PCDH7: variants seen among roughly 807,000 people sequenced by gnomAD.
PCDH7 encodes protocadherin 7.
PCDH7 carries 17 observed loss-of-function variants against 58.9 expected under a neutral mutation model. The ratio of observed to expected loss-of-function variants is 0.29; its 90% confidence interval spans 0.20 to 0.43. PCDH7 has a LOEUF of 0.43. Among genes scored for constraint, PCDH7 ranks in the 20% least tolerant of loss-of-function variants. The probability of loss-of-function intolerance (pLI) is 1.00; values close to 1 mark genes in which losing one functional copy is unlikely to be tolerated. For synonymous variants in PCDH7, 664 were observed against 616.4 expected, an observed-to-expected ratio of 1.08 and a Z score of -1.14; for missense variants, 1,274 against 1,441.0, an observed-to-expected ratio of 0.88 and a Z score of 1.88.
chr4:31,003,133 T>G (rs1242502574), intron 3 of PCDH7, among the ~76,000 whole-genome samples: 1 of 152,192 alleles, frequency 6.6e-6, no homozygotes, highest in African/African-American at 2.4e-5. Flanking sequence ...TTACCATGCT[T>G]ATTTTTTTAA....
chr4:30,879,696 T>G (rs1348664433), intron 1 of PCDH7, among the ~76,000 whole-genome samples: 2 of 152,180 alleles, frequency 1.3e-5, no homozygotes, highest in African/African-American at 4.8e-5. Flanking sequence ...ATATCATGCT[T>G]AATTTTACAT....
Position 30,958,096 on chromosome 4 carries a change from A to C in PCDH7, c.*7+7881A>C, listed in dbSNP as rs200139071. On this transcript the variant is annotated intron_variant, in intron 3 of 3. Coordinates refer to the PCDH7 transcript ENST00000509759. ...GAAAAGATAGATCAAAACTAGGCAG[A>C]ACAAACTATATATACATGGAAAGAA... 3.9e-5 allele frequency among the ~76,000 whole-genome samples: 6 copies of C among 151,988 alleles called. No homozygotes were observed. In the East Asian group the frequency reaches 1.2e-3, roughly 29 times the overall value.
intron 3 of PCDH7, among the ~76,000 whole-genome samples, chr4:31,020,927 T>C (rs1301354423): frequency 6.6e-6 from 1 of 152,190 alleles, no homozygotes; most frequent in African/African-American, 2.4e-5. Flanking sequence ...TTTTTTCTCC[T>C]CCTCCGTTTT....
rs146357228 is a variant in PCDH7 at position 30,791,205 on chromosome 4, G to A, written c.70+66609G>A. Among the ~76,000 whole-genome samples, 1,013 of 152,168 alleles carry A rather than the reference G, an allele frequency of 6.7e-3. 10 individuals are homozygous for A. The highest frequency in any genetic ancestry group is 0.01 in the Middle Eastern group (3 of 294). ...CATGCAGGCTAGTTGTTACAATGTC[G>A]TGTGCTAAATGGCAGAATATCATAG... On this transcript the variant is annotated intron_variant, in intron 1 of 3. Coordinates refer to the PCDH7 transcript ENST00000509759.
intron 1 of PCDH7, among the ~76,000 whole-genome samples, chr4:30,892,488 T>C (rs1738751960): frequency 6.6e-6 from 1 of 152,032 alleles, no homozygotes; most frequent in Non-Finnish European, 1.5e-5. Context: ...CTTATTGGAA[T>C]ATTTCATGGT....
Position 30,875,895 on chromosome 4 carries a change from C to T in PCDH7, c.71-44258C>T, listed in dbSNP as rs1049662505. On this transcript the variant is annotated intron_variant, in intron 1 of 3. Transcript: ENST00000509759. ...TATTAATTTCAACAGGATCTGTGAA[C>T]GTTTTCTTCTGTCATGTGAGATAGA... Among the ~76,000 whole-genome samples, 8 of 152,052 alleles carry T rather than the reference C, an allele frequency of 5.3e-5. No homozygotes were observed. The East Asian group carries it at 5.8e-4, about 11-fold the overall frequency.
intron 3 of PCDH7, among the ~76,000 whole-genome samples, chr4:31,105,421 A>G (rs1715429413): frequency 6.6e-6 from 1 of 152,166 alleles, no homozygotes; most frequent in Non-Finnish European, 1.5e-5. Flanking sequence ...AGTACCTTCT[A>G]GAAACCACAT....
At chr4:30,780,024 G>A (rs1722581219) in intron 1 of PCDH7, among the ~76,000 whole-genome samples, 1 of 152,062 alleles carries the variant, frequency 6.6e-6, no homozygotes, top group Non-Finnish European at 1.5e-5. Flanking sequence ...GTTTAAGTTT[G>A]TATCATTTTA....
intron 3 of PCDH7, among the ~76,000 whole-genome samples, chr4:30,991,140 T>C (rs1751431342): frequency 6.6e-6 from 1 of 152,212 alleles, no homozygotes; most frequent in Non-Finnish European, 1.5e-5. Context: ...TTAAAACTTG[T>C]TCTCTTCCAA....
intron 1 of PCDH7, among the ~76,000 whole-genome samples, chr4:30,823,730 G>A (rs1330733843): frequency 6.6e-6 from 1 of 152,104 alleles, no homozygotes; most frequent in Non-Finnish European, 1.5e-5. Context: ...TTGGGGGTTA[G>A]ATTAGTAGAA....
intron 1 of PCDH7, among the ~76,000 whole-genome samples, chr4:30,899,064 G>A (rs1279139422): frequency 1.3e-5 from 2 of 152,068 alleles, no homozygotes; most frequent in African/African-American, 4.8e-5. Flanking sequence ...AATGGACAAT[G>A]TTGTTTCATG....
intron 1 of PCDH7, among the ~76,000 whole-genome samples, chr4:30,760,232 GGAA>G (rs1719844442): frequency 6.6e-6 from 1 of 152,162 alleles, no homozygotes; most frequent in Non-Finnish European, 1.5e-5. Context: ...ACATTAAGGA[GGAA>G]GAAGTAGAGA....
chr4:31,121,040 C>G (rs1329591094), intron 3 of PCDH7, among the ~76,000 whole-genome samples: 1 of 152,142 alleles, frequency 6.6e-6, no homozygotes, highest in Non-Finnish European at 1.5e-5. Context: ...ATGCATGCCA[C>G]TCATAATGAT....
intron 1 of PCDH7, among the ~76,000 whole-genome samples, chr4:30,873,443 A>G (rs1735873042): frequency 6.6e-6 from 1 of 152,166 alleles, no homozygotes; most frequent in Admixed American, 6.6e-5. Flanking sequence ...TGGCTACCCA[A>G]TGTTATGTTA....
In PCDH7 at chr4:31,028,420, G is replaced by T. The variant is rs192179510; in HGVS notation, c.*7+78205G>T. ...AATTGTAGTACTTTGGGCCGCTGAGGTAGTAGGACCTCTTAAGGACAGAAG... is the reference window on the plus strand; with the variant it reads ...AATTGTAGTACTTTGGGCCGCTGAGTTAGTAGGACCTCTTAAGGACAGAAG... On this transcript the variant is annotated intron_variant, in intron 3 of 3. Coordinates refer to the PCDH7 transcript ENST00000509759. Among the ~76,000 whole-genome samples, 843 of 152,194 alleles carry T rather than the reference G, an allele frequency of 5.5e-3. 6 individuals carry two copies. The highest frequency in any genetic ancestry group is 8.5e-3 in the Non-Finnish European group (579 of 68,010).
chr4:31,135,699 A>G (rs911697817), intron 3 of PCDH7, among the ~76,000 whole-genome samples: 3 of 152,188 alleles, frequency 2.0e-5, no homozygotes, highest in African/African-American at 7.2e-5. Context: ...TAAAAATCTA[A>G]AAGTCTAAGG....
intron 1 of PCDH7, among the ~76,000 whole-genome samples, chr4:30,748,067 C>G (rs987051355): frequency 1.2e-4 from 18 of 152,152 alleles, no homozygotes; most frequent in Admixed American, 3.9e-4. Flanking sequence ...AAGGTTTATT[C>G]TCATATACAA....
At chr4:30,816,513 A>G (rs1291256852) in intron 1 of PCDH7, among the ~76,000 whole-genome samples, 1 of 152,032 alleles carries the variant, frequency 6.6e-6, no homozygotes, top group Non-Finnish European at 1.5e-5. Context: ...TCTGTGCTGT[A>G]ATTCTTATAA....
chr4:30,989,108 T>C (rs373888106), intron 3 of PCDH7, among the ~76,000 whole-genome samples: 1 of 152,134 alleles, frequency 6.6e-6, no homozygotes, highest in African/African-American at 2.4e-5. Context: ...GGTGCCTGAA[T>C]TGTGAATGCA....
Sources: gnomAD v4.1 joint callset for allele counts (sites outside exome capture counted in the v4.1 genomes callset) on GRCh38, gnomAD v4.1.1 for gene constraint, MANE v1.5 for transcripts, NCBI Gene and HGNC (gene_info 2026-07-23, HGNC 2026-07-21) for gene names.